JHY: variants seen among roughly 807,000 people sequenced by gnomAD.
The protein encoded by JHY is jhy protein homolog.
Under a neutral mutation model 78.0 loss-of-function variants are expected in JHY, and 69 were observed. That is an observed-to-expected ratio of 0.88 (90% CI 0.73 to 1.08). The LOEUF (loss-of-function observed/expected upper bound fraction) is 1.08. JHY is among the 50% of genes least tolerant of loss of function. The probability of loss-of-function intolerance (pLI) is 0.00; values close to 1 mark genes in which losing one functional copy is unlikely to be tolerated. For synonymous variants in JHY, 368 were observed against 342.6 expected (o/e 1.07, Z -0.82); for missense variants, 944 against 927.8 (o/e 1.02, Z -0.23).
Position 122,946,734 on chromosome 11 carries a change from A to G in JHY, c.1871A>G (p.Glu624Gly), listed in dbSNP as rs1374805702. Residue 624 changes from glutamate to glycine, a missense_variant, in exon 6 of 9, where the codon GAA becomes GGA. By Grantham distance (98) the Glu-to-Gly change is moderately conservative (BLOSUM62 -2). Coordinates refer to ENST00000227349, the MANE Select transcript of JHY (RefSeq NM_024806.4). Reference protein sequence around the residue: ...NQVKISRSNSEGYLFQLEKGK... With the variant: ...NQVKISRSNSGGYLFQLEKGK... ...GTGAAAATTAGCCGTAGCAATTCTGAAGGCTATCTGTTTCAACTGGAAAAG... is the reference window on the plus strand; with the variant it reads ...GTGAAAATTAGCCGTAGCAATTCTGGAGGCTATCTGTTTCAACTGGAAAAG... 6 of 1,614,024 alleles carry G rather than the reference A, an allele frequency of 3.7e-6. No individual in the cohort carries two copies. The highest frequency in any genetic ancestry group is 3.4e-6 in the Non-Finnish European group (4 of 1,180,016).
Position 122,959,559 on chromosome 11 carries a change from C to G in JHY, c.*114C>G, listed in dbSNP as rs1477508414. ...ATGGCCTATTATTATCATCTATCTG[C>G]CGTCCATGTTTGCTTTCTGCAGGAT... is the stretch of plus-strand genomic sequence containing the variant. On this transcript the variant is annotated 3_prime_UTR_variant, in exon 9 of 9. Transcript: ENST00000227349. 1.5e-5 allele frequency: 15 copies of G among 1,013,486 alleles called. No individual in the cohort carries two copies. Among genetic ancestry groups the G allele is most frequent in the Non-Finnish European group, 2.1e-5 (15 of 699,062 alleles). 62.8% of individuals were successfully genotyped at this position (1,013,486 alleles called of 1,614,324 possible).
chr11:122,901,052 A>G (rs1165151471), intron 2 of JHY, among the ~76,000 whole-genome samples: 2 of 152,172 alleles, frequency 1.3e-5, no homozygotes, highest in African/African-American at 4.8e-5. Flanking sequence ...TGATTTCATC[A>G]TTGTGGGAAC....
At chr11:122,936,522 G>A (rs1018250114) in intron 5 of JHY, among the ~76,000 whole-genome samples, 2 of 151,932 alleles carry the variant, frequency 1.3e-5, no homozygotes, top group Non-Finnish European at 2.9e-5. Context: ...TGATAGATGG[G>A]AAATTTCCTC....
intron 5 of JHY, among the ~76,000 whole-genome samples, chr11:122,936,083 C>A (rs1385086728): frequency 6.6e-6 from 1 of 152,126 alleles, no homozygotes; most frequent in Non-Finnish European, 1.5e-5. Flanking sequence ...AGTTCAAGTT[C>A]CCCACGATGT....
At chr11:122,909,504 A>G (rs1435081959) in intron 3 of JHY, among the ~76,000 whole-genome samples, 2 of 152,288 alleles carry the variant, frequency 1.3e-5, no homozygotes, top group African/African-American at 4.8e-5. Flanking sequence ...AGAAGATTAA[A>G]TAAATGAGTT....
Position 122,960,576 on chromosome 11 carries a change from G to C in JHY, c.*1131G>C, listed in dbSNP as rs1864292381. On this transcript the variant is annotated 3_prime_UTR_variant, in exon 9 of 9. Coordinates refer to ENST00000227349, the MANE Select transcript of JHY (RefSeq NM_024806.4). The stretch of plus-strand genomic sequence containing the variant: ...AACAGGACCCTATGTGCTCCAAACT[G>C]GGCTTATCTTGTATGCTTTATCCAA... The C allele has an allele frequency of 4.0e-6, 1 of 251,558 alleles. No homozygotes were observed. Among genetic ancestry groups the C allele is most frequent in the African/African-American group, 2.3e-5 (1 of 43,518 alleles). 15.6% of individuals were successfully genotyped at this position (251,558 alleles called of 1,614,324 possible).
intron 3 of JHY, among the ~76,000 whole-genome samples, chr11:122,920,261 A>C (rs892165258): frequency 2.6e-5 from 4 of 152,216 alleles, no homozygotes; most frequent in Non-Finnish European, 5.9e-5. Flanking sequence ...GGAATTGAAT[A>C]ATAGGTGTTG....
At position 122,904,137 on chromosome 11, in the gene JHY, G is replaced by C; in HGVS notation, c.557G>C (p.Ser186Thr). ...GKGEQKESPQ[S>T]AASLLGSEFL... ...GGCGAGCAGAAAGAGAGTCCACAGA[G>C]TGCAGCTTCTTTACTTGGTAGTGAA... Residue 186 changes from serine to threonine, a missense_variant, in exon 3 of 9, where the codon AGT becomes ACT. Coordinates refer to ENST00000227349, the MANE Select transcript of JHY (RefSeq NM_024806.4). 2 of 1,614,152 alleles carry C rather than the reference G, an allele frequency of 1.2e-6. No homozygotes were observed. Among genetic ancestry groups the C allele is most frequent in the Non-Finnish European group, 1.7e-6 (2 of 1,180,026 alleles).
At chr11:122,927,504 C>A (rs753048217) in intron 4 of JHY, among the ~76,000 whole-genome samples, 6 of 152,156 alleles carry the variant, frequency 3.9e-5, no homozygotes, top group Non-Finnish European at 8.8e-5. Context: ...GACACAGACA[C>A]TTTAGGCTGC....
chr11:122,924,836 C>T, intron 3 of JHY, 61 bp from the exon 4 acceptor site: 1 of 1,345,260 alleles, frequency 7.4e-7, no homozygotes. Context: ...AGACTTGAGT[C>T]CCATGGCTCT....
chr11:122,918,434 CACA>C (rs1863280974), intron 3 of JHY, among the ~76,000 whole-genome samples: 1 of 151,312 alleles, frequency 6.6e-6, no homozygotes, highest in Non-Finnish European at 1.5e-5. Flanking sequence ...GTTGGGAAAT[CACA>C]ACGTTAAATG....
At position 122,903,988 on chromosome 11, in the gene JHY, G is replaced by C; in HGVS notation, c.408G>C (p.Lys136Asn). ...ATGACCCGAACTGGAAGAGTAAGAA[G>C]GAGGAAGGGCAGCTGCTGTCTGTGG... Reference protein sequence around the residue: ...LRYDPNWKSKKEEGQLLSVEA... With the variant: ...LRYDPNWKSKNEEGQLLSVEA... Residue 136 changes from lysine to asparagine, a missense_variant, in exon 3 of 9, where the codon AAG (lysine) becomes AAC (asparagine). By Grantham distance (94) the Lys-to-Asn change is moderately conservative. Transcript: ENST00000227349. 1.9e-6 allele frequency: 3 copies of C among 1,613,982 alleles called. No homozygotes were observed. The highest frequency in any genetic ancestry group is 2.5e-6 in the Non-Finnish European group (3 of 1,179,864).
At chr11:122,887,104 G>T (rs1318875559) in intron 2 of JHY, among the ~76,000 whole-genome samples, 3 of 152,206 alleles carry the variant, frequency 2.0e-5, no homozygotes, top group Non-Finnish European at 4.4e-5. Context: ...GTGGTGAAGT[G>T]CATGGTGTCT....
Position 122,935,027 on chromosome 11 carries a change from TCA to T in JHY, c.1587_1588del (p.Lys530ThrfsTer22). 4.4e-6 allele frequency: 7 copies of T among 1,608,756 alleles called. No homozygotes were observed. Among genetic ancestry groups the T allele is most frequent in the Non-Finnish European group, 5.1e-6 (6 of 1,178,590 alleles). On this transcript the variant is annotated frameshift_variant, in exon 5 of 9. Coordinates refer to ENST00000227349, the MANE Select transcript of JHY (RefSeq NM_024806.4). LOFTEE classifies it high-confidence loss of function. This position sits in a 1 kb window ranked among gnomAD's most constrained non-coding sequence, Gnocchi z 4.5. ...GGATCAACCAAAAATAAGAAACAAC[TCA>T]AACAGCCTTATACAGAGACAAAATA... is the stretch of plus-strand genomic sequence containing the variant.
chr11:122,949,372 G>A (rs77036175), intron 6 of JHY, among the ~76,000 whole-genome samples: 2,731 of 152,240 alleles, frequency 0.018, 68 homozygotes, highest in South Asian at 0.11. Flanking sequence ...CTCTGGCTAT[G>A]GTGTGCAGGG....
At chr11:122,938,512 C>T (rs1052571595) in intron 5 of JHY, among the ~76,000 whole-genome samples, 2 of 152,100 alleles carry the variant, frequency 1.3e-5, no homozygotes, top group African/African-American at 4.8e-5. Flanking sequence ...CTTAGATTTT[C>T]AACAAGGCAA....
rs993572875 is a variant in JHY at position 122,907,284 on chromosome 11, G to A, written c.864+2840G>A. ...TTTGAACCGTTATTCATATGTAGACGTGTGTGTGTCTCTCCTCCCGATACA... is the reference window on the plus strand; with the variant it reads ...TTTGAACCGTTATTCATATGTAGACATGTGTGTGTCTCTCCTCCCGATACA... On this transcript the variant is annotated intron_variant, in intron 3 of 8. Transcript: ENST00000227349. Among the ~76,000 whole-genome samples, 11 of 151,784 alleles carry A rather than the reference G, an allele frequency of 7.2e-5. No individual in the cohort carries two copies. The South Asian group carries it at 1.0e-3, about 14-fold the overall frequency.
chr11:122,925,058 A>C (rs775803429), intron 4 of JHY, 48 bp downstream of exon 4: 1 of 1,357,884 alleles, frequency 7.4e-7, no homozygotes, highest in East Asian at 2.3e-5. Context: ...GATACTGCTG[A>C]ATATAAGTAA....
chr11:122,905,088 G>A (rs541287758), intron 3 of JHY: 5 of 1,010,292 alleles, frequency 4.9e-6, no homozygotes, highest in Admixed American at 3.6e-5. Flanking sequence ...TTATTGTCCT[G>A]TGTAAATGAT....
Sources: gnomAD v4.1 joint callset for allele counts (sites outside exome capture counted in the v4.1 genomes callset) on GRCh38, gnomAD v4.1.1 for gene constraint, Gnocchi (gnomAD v3.1) non-coding constraint, MANE v1.5 for transcripts, NCBI Gene and HGNC (gene_info 2026-07-23, HGNC 2026-07-21) for gene names.